GPR158: variants seen among roughly 807,000 people sequenced by gnomAD.
The protein encoded by GPR158 is metabotropic glycine receptor.
Under a neutral mutation model 78.2 loss-of-function variants are expected in GPR158, and 30 were observed. That is an observed-to-expected ratio of 0.38 (90% CI 0.29 to 0.52). The LOEUF is 0.52. GPR158 is among the 20% of genes least tolerant of loss of function. The pLI is 0.83. For missense variants in GPR158, 1,463 were observed against 1,523.5 expected, an observed-to-expected ratio of 0.96 and a Z score of 0.66; for synonymous variants, 581 against 591.1, an observed-to-expected ratio of 0.98 and a Z score of 0.25.
At chr10:25,423,827 C>T (rs533352004) in intron 4 of GPR158, among the ~76,000 whole-genome samples, 1 of 152,076 alleles carries the variant, frequency 6.6e-6, no homozygotes, top group African/African-American at 2.4e-5. Context: ...CTATTGTGAA[C>T]AGTGCCACAA....
At chr10:25,250,733 G>A (rs1189195952) in intron 2 of GPR158, among the ~76,000 whole-genome samples, 2 of 139,994 alleles carry the variant, frequency 1.4e-5, no homozygotes, top group Admixed American at 7.1e-5. Context: ...TTACTTCCAA[G>A]TATGTGGTCA....
Position 25,396,147 on chromosome 10 carries a change from G to A in GPR158, c.1111+134G>A, listed in dbSNP as rs1294494039. On this transcript the variant is annotated intron_variant, in intron 3 of 10. Coordinates refer to ENST00000376351, the MANE Select transcript of GPR158 (RefSeq NM_020752.3). The stretch of plus-strand genomic sequence containing the variant: ...GTTTGGCATTCTTTCATCACTTAAG[G>A]AGTTTTAGTTTTAGTTTGTCATCTA... 5.8e-6 allele frequency: 3 copies of A among 514,214 alleles called. No individual in the cohort carries two copies. In the Admixed American group the frequency reaches 1.1e-4, roughly 18 times the overall value. 31.9% of individuals were successfully genotyped at this position (514,214 alleles called of 1,614,324 possible).
In GPR158 at chr10:25,391,346, A is replaced by G. The variant is rs949998363; in HGVS notation, c.1009-4565A>G. 5.9e-5 allele frequency among the ~76,000 whole-genome samples: 9 copies of G among 152,290 alleles called. No individual in the cohort carries two copies. In the South Asian group the frequency reaches 1.0e-3, roughly 18 times the overall value. On this transcript the variant is annotated intron_variant, in intron 2 of 10. Transcript: ENST00000376351. ...ACAGCTAGCACTGTGTGCCTGGAAA[A>G]GCCACAGACACTCAACACTAGCCCA... is the stretch of plus-strand genomic sequence containing the variant.
At chr10:25,280,439 T>C (rs1854251381) in intron 2 of GPR158, among the ~76,000 whole-genome samples, 1 of 152,206 alleles carries the variant, frequency 6.6e-6, no homozygotes, top group African/African-American at 2.4e-5. Context: ...TAAACTTGTA[T>C]GCACCTAATA....
In GPR158 at chr10:25,602,070, A is replaced by G. The variant is rs542314661; in HGVS notation, c.*2796A>G. 2.0e-5 allele frequency: 3 copies of G among 151,966 alleles called. No homozygotes were observed. The highest frequency in any genetic ancestry group is 6.6e-5 in the Admixed American group (1 of 15,086). The allele number at this position is 151,966 out of a possible 1,614,324, so 9.4% of individuals were successfully genotyped here. A position where few individuals can be genotyped will look rare whatever the true frequency, so the allele number is the denominator to read the frequency against. ...TTAGCAACCGAGAGTCGTAGAGTCAATAAAGCTGTAAGTGTCTTCACTTAA... is the reference window on the plus strand; with the variant it reads ...TTAGCAACCGAGAGTCGTAGAGTCAGTAAAGCTGTAAGTGTCTTCACTTAA... On this transcript the variant is annotated 3_prime_UTR_variant, in exon 11 of 11. Coordinates refer to ENST00000376351, the MANE Select transcript of GPR158 (RefSeq NM_020752.3).
At chr10:25,394,785 C>T (rs1466129012) in intron 2 of GPR158, among the ~76,000 whole-genome samples, 1 of 152,048 alleles carries the variant, frequency 6.6e-6, no homozygotes, top group Non-Finnish European at 1.5e-5. Flanking sequence ...ATCTTACATA[C>T]AAATACTTAT....
At chr10:25,588,574 T>A (rs1286713500) in intron 7 of GPR158, among the ~76,000 whole-genome samples, 1 of 152,238 alleles carries the variant, frequency 6.6e-6, no homozygotes, top group Non-Finnish European at 1.5e-5. Flanking sequence ...TTAGTGCAGT[T>A]AGAACTTAAA....
At chr10:25,303,035 C>G (rs1192158144) in intron 2 of GPR158, among the ~76,000 whole-genome samples, 1 of 152,076 alleles carries the variant, frequency 6.6e-6, no homozygotes, top group Non-Finnish European at 1.5e-5. Flanking sequence ...TCTCATGGTG[C>G]CCCATGTCAA....
rs553959899 is a variant in GPR158 at position 25,178,722 on chromosome 10, C to G, written c.902+2400C>G. On this transcript the variant is annotated intron_variant, in intron 1 of 10. Coordinates refer to ENST00000376351, the MANE Select transcript of GPR158 (RefSeq NM_020752.3). ...CCTGTGAGTGCTTTGGCCCCATATC[C>G]TGTGCCCTTCAAATGCTGTATTGAG... Among the ~76,000 whole-genome samples the G allele has an allele frequency of 3.9e-5, 6 of 152,316 alleles. No individual in the cohort carries two copies. The East Asian group carries it at 9.6e-4, about 24-fold the overall frequency.
At chr10:25,258,659 G>A (rs1167863097) in intron 2 of GPR158, among the ~76,000 whole-genome samples, 1 of 152,068 alleles carries the variant, frequency 6.6e-6, no homozygotes, top group East Asian at 1.9e-4. Context: ...CGAACCAAGG[G>A]TCAGCAAGCT....
At chr10:25,435,125 A>G (rs1029188292) in intron 4 of GPR158, among the ~76,000 whole-genome samples, 12 of 152,200 alleles carry the variant, frequency 7.9e-5, no homozygotes, top group Non-Finnish European at 1.3e-4. Context: ...TCATTCATTC[A>G]TTCAGTGTGT....
chr10:25,574,398 A>AC (rs1837059406), intron 7 of GPR158, among the ~76,000 whole-genome samples: 1 of 152,172 alleles, frequency 6.6e-6, no homozygotes, highest in African/African-American at 2.4e-5. Flanking sequence ...TTATTGATTC[A>AC]CATAGATGCA....
At chr10:25,484,037 G>A (rs1318060976) in intron 5 of GPR158, among the ~76,000 whole-genome samples, 1 of 151,968 alleles carries the variant, frequency 6.6e-6, no homozygotes, top group Non-Finnish European at 1.5e-5. Context: ...TTCCCTATGG[G>A]CTTATAGAAA....
intron 4 of GPR158, among the ~76,000 whole-genome samples, chr10:25,448,009 A>G (rs983831518): frequency 2.6e-5 from 4 of 152,088 alleles, no homozygotes; most frequent in Non-Finnish European, 5.9e-5. Context: ...CTAGCAGCAT[A>G]GATTAGCTCT....
At chr10:25,567,239 A>C (rs754534499) in intron 6 of GPR158, among the ~76,000 whole-genome samples, 3 of 152,228 alleles carry the variant, frequency 2.0e-5, no homozygotes, top group Non-Finnish European at 4.4e-5. Flanking sequence ...TGTCATCGGC[A>C]TAATAAAAAC....
chr10:25,526,583 TA>T (rs1836350027), intron 5 of GPR158, among the ~76,000 whole-genome samples: 1 of 152,122 alleles, frequency 6.6e-6, no homozygotes, highest in African/African-American at 2.4e-5. Context: ...GATAGGGCAA[TA>T]ACTGTAAAGA....
At chr10:25,407,467 G>A (rs984615106) in intron 3 of GPR158, among the ~76,000 whole-genome samples, 2 of 151,808 alleles carry the variant, frequency 1.3e-5, no homozygotes, top group Non-Finnish European at 2.9e-5. Context: ...ATTTATTTTC[G>A]GTGCAGGCCT....
At chr10:25,290,122 A>T (rs1178116459) in intron 2 of GPR158, among the ~76,000 whole-genome samples, 1 of 152,222 alleles carries the variant, frequency 6.6e-6, no homozygotes, top group Non-Finnish European at 1.5e-5. Context: ...ATTGACTAGC[A>T]TTATAGTTAA....
At chr10:25,509,962 C>A (rs886232807) in intron 5 of GPR158, among the ~76,000 whole-genome samples, 2 of 152,216 alleles carry the variant, frequency 1.3e-5, no homozygotes, top group African/African-American at 4.8e-5. Context: ...GATCCACCTG[C>A]CCTGGCCTCC....
Sources: allele counts gnomAD v4.1 joint callset (sites outside exome capture counted in the v4.1 genomes callset), GRCh38; gene constraint gnomAD v4.1.1; transcripts MANE v1.5; gene names NCBI Gene and HGNC (gene_info 2026-07-23, HGNC 2026-07-21).